Variants in PAX2 observed in about 807,000 individuals in gnomAD.
PAX2 encodes paired box 2.
In PAX2, 9 loss-of-function variants were observed where a neutral mutation model predicts 41.7. That is an observed-to-expected ratio of 0.22 (90% confidence interval 0.13 to 0.38). The LOEUF (loss-of-function observed/expected upper bound fraction) is 0.38, where lower values mean the gene tolerates loss of function less well. Among genes scored for constraint, PAX2 ranks in the 10% least tolerant of loss-of-function variants. PAX2 has a pLI of 1.00. For synonymous variants in PAX2, 221 were observed against 212.7 expected (o/e 1.04, Z -0.34); for missense variants, 418 against 531.6 (o/e 0.79, Z 2.10).
chr10:100,809,263 G>T (rs756686150), intron 7 of PAX2, 27 bp downstream of exon 7: 2 of 1,608,616 alleles, frequency 1.2e-6, no homozygotes, highest in Non-Finnish European at 1.7e-6. Flanking sequence ...GAGGGTGGGG[G>T]CACTGCGTTC....
In PAX2 at chr10:100,750,795, A is replaced by G; in HGVS notation, c.314A>G (p.Gln105Arg). Reference protein sequence around the residue: ...VVDKIAEYKRQNPTMFAWEIR... With the variant: ...VVDKIAEYKRRNPTMFAWEIR... ...GACAAGATTGCTGAATACAAACGAC[A>G]GAACCCGACTATGTTCGCCTGGGAG... The change falls in exon 3 of 10, where the codon CAG (glutamine) becomes CGG (arginine). Residue 105 changes from glutamine (Q) to arginine (R), a missense_variant. Transcript: ENST00000355243. This position sits in a 1 kb window ranked among gnomAD's most constrained non-coding sequence, Gnocchi z 4.1. 2 of 1,614,202 alleles carry G rather than the reference A, an allele frequency of 1.2e-6. No individual in the cohort carries two copies. The highest frequency in any genetic ancestry group is 8.5e-7 in the Non-Finnish European group (1 of 1,180,002).
chr10:100,778,748 G>A (rs1021345412), intron 3 of PAX2, among the ~76,000 whole-genome samples: 6 of 152,200 alleles, frequency 3.9e-5, no homozygotes, highest in Non-Finnish European at 8.8e-5. Context: ...GGATGTACAG[G>A]GAGGGCACCA....
intron 1 of PAX2, chr10:100,749,314 G>C (rs1276473051): frequency 2.0e-6 from 2 of 1,003,810 alleles, no homozygotes; most frequent in Admixed American, 1.2e-4. Context: ...AGCCCCGCAC[G>C]CGCGGACAGC....
intron 5 of PAX2, among the ~76,000 whole-genome samples, chr10:100,790,379 A>G (rs74931761): frequency 5.6e-4 from 86 of 152,224 alleles, no homozygotes; most frequent in African/African-American, 2.0e-3. Flanking sequence ...ACGAGCACCC[A>G]TCTTGTCAGA....
chr10:100,784,129 C>G (rs978354505), intron 5 of PAX2, among the ~76,000 whole-genome samples: 1 of 152,146 alleles, frequency 6.6e-6, no homozygotes, highest in Admixed American at 6.5e-5. Flanking sequence ...AGGAGCCAGG[C>G]CCAGTTTGCA....
intron 3 of PAX2, among the ~76,000 whole-genome samples, chr10:100,754,891 G>C (rs1845576007): frequency 6.6e-6 from 1 of 152,192 alleles, no homozygotes; most frequent in South Asian, 2.1e-4. Context: ...GGTGGTCAGG[G>C]CTGTTGGTCT....
intron 5 of PAX2, among the ~76,000 whole-genome samples, chr10:100,787,247 A>G (rs1846905668): frequency 6.6e-6 from 1 of 152,036 alleles, no homozygotes. Flanking sequence ...AGGGTCAGGC[A>G]CTCAGTGGAT....
chr10:100,824,565 T>G lies in PAX2; in HGVS notation c.920-83T>G. 1.0e-6 allele frequency: 1 copy of G among 973,804 alleles called. No individual in the cohort carries two copies. Among genetic ancestry groups the G allele is most frequent in the East Asian group, 2.4e-5 (1 of 42,120 alleles). 60.3% of individuals were successfully genotyped at this position (973,804 alleles called of 1,614,324 possible). On this transcript the variant is annotated intron_variant, in intron 7 of 9. Coordinates refer to ENST00000355243, the MANE Select transcript of PAX2 (RefSeq NM_000278.5). The surrounding 1 kb of genome is among the most constrained non-coding windows in gnomAD (Gnocchi z 6.6). ...CAGAGCTCTTTCCTCTCCAAGAGTT[T>G]CCTCTCCGTGCAGTACCCTGGTGTG...
chr10:100,798,747 A>C (rs1847428540), intron 5 of PAX2, among the ~76,000 whole-genome samples: 1 of 151,058 alleles, frequency 6.6e-6, no homozygotes, highest in African/African-American at 2.4e-5. Flanking sequence ...TCCCCCACCC[A>C]ATCCATCAAT....
At chr10:100,758,214 C>G (rs1589821860) in intron 3 of PAX2, among the ~76,000 whole-genome samples, 1 of 150,336 alleles carries the variant, frequency 6.7e-6, no homozygotes, top group African/African-American at 2.5e-5. Flanking sequence ...GATCTCAGCT[C>G]ACTGCAAGCT....
chr10:100,745,937 T>G lies in PAX2; in HGVS notation c.-324T>G. The G allele has an allele frequency of 1.6e-6, 2 of 1,237,466 alleles. No individual in the cohort carries two copies. The highest frequency in any genetic ancestry group is 2.0e-6 in the Non-Finnish European group (2 of 985,858). 76.7% of individuals were successfully genotyped at this position (1,237,466 alleles called of 1,614,324 possible). On this transcript the variant is annotated 5_prime_UTR_variant, in exon 1 of 10. Coordinates refer to ENST00000355243, the MANE Select transcript of PAX2 (RefSeq NM_000278.5). ...CGCCTCCCCCGCCCAGCTTCAGCCC[T>G]GGCTGCAGCTGCAGCGCGAGCCATG...
intron 7 of PAX2, among the ~76,000 whole-genome samples, chr10:100,811,897 G>C (rs1848002480): frequency 6.6e-6 from 1 of 152,226 alleles, no homozygotes; most frequent in South Asian, 2.1e-4. Flanking sequence ...AACCTTAGGG[G>C]ATGAGGGAAT....
upstream of PAX2, among the ~76,000 whole-genome samples, chr10:100,743,322 C>T (rs1264214216): frequency 6.6e-6 from 1 of 152,170 alleles, no homozygotes; most frequent in Non-Finnish European, 1.5e-5. Flanking sequence ...AAATCCTTCT[C>T]GCCCAACATG....
At position 100,778,051 on chromosome 10, in the gene PAX2, T is replaced by C. The variant is rs532840588; in HGVS notation, c.411-1447T>C. Among the ~76,000 whole-genome samples the C allele has an allele frequency of 1.3e-3, 202 of 152,330 alleles. 1 individual carries two copies. The highest frequency in any genetic ancestry group is 4.7e-3 in the African/African-American group (197 of 41,586). ...CTTCTTTGTTCATCTTAGGATCAAG[T>C]TATTTTTTACTGGGGAAAGAGACAG... On this transcript the variant is annotated intron_variant, in intron 3 of 9. Transcript: ENST00000355243.
Position 100,824,536 on chromosome 10 carries a change from T to G in PAX2, c.920-112T>G. The G allele has an allele frequency of 1.2e-6, 1 of 825,188 alleles. No individual in the cohort carries two copies. The highest frequency in any genetic ancestry group is 2.1e-6 in the Non-Finnish European group (1 of 467,012). The allele number at this position is 825,188 out of a possible 1,614,324, so 51.1% of individuals were successfully genotyped here. Reference sequence around the variant, plus strand: ...AGTGGCACACATACCCCTGCACGTCTGCACAGAGCTCTTTCCTCTCCAAGA... The same window carrying G: ...AGTGGCACACATACCCCTGCACGTCGGCACAGAGCTCTTTCCTCTCCAAGA... On this transcript the variant is annotated intron_variant, in intron 7 of 9. Coordinates refer to ENST00000355243, the MANE Select transcript of PAX2 (RefSeq NM_000278.5). This position sits in a 1 kb window ranked among gnomAD's most constrained non-coding sequence, Gnocchi z 6.6.
chr10:100,742,042 G>A (rs1468762919), upstream of PAX2, among the ~76,000 whole-genome samples: 1 of 152,218 alleles, frequency 6.6e-6, no homozygotes, highest in Admixed American at 6.5e-5. Context: ...CCAAGGCTCA[G>A]CCGCCTTCCC....
At chr10:100,769,664 TAAAATA>T (rs1166132796) in intron 3 of PAX2, among the ~76,000 whole-genome samples, 1 of 147,746 alleles carries the variant, frequency 6.8e-6, no homozygotes, top group Admixed American at 6.7e-5. Context: ...TAAAATAAAA[TAAAATA>T]AAAAAATAAA....
intron 5 of PAX2, among the ~76,000 whole-genome samples, chr10:100,785,346 G>A (rs978640906): frequency 1.3e-5 from 2 of 152,240 alleles, no homozygotes; most frequent in African/African-American, 2.4e-5. Flanking sequence ...GAAGTCATAT[G>A]GTGAGAATCT....
chr10:100,810,529 A>C (rs931177161), intron 7 of PAX2, among the ~76,000 whole-genome samples: 2 of 152,212 alleles, frequency 1.3e-5, no homozygotes, highest in African/African-American at 4.8e-5. Flanking sequence ...AATGGCCCTC[A>C]GCATGAGCCA....
Sources: allele counts gnomAD v4.1 joint callset (sites outside exome capture counted in the v4.1 genomes callset), GRCh38; gene constraint gnomAD v4.1.1; non-coding constraint Gnocchi (gnomAD v3.1); transcripts MANE v1.5; gene names NCBI Gene and HGNC (gene_info 2026-07-23, HGNC 2026-07-21).